The following MS4A7 variants were observed in gnomAD, a reference collection of about 807,000 sequenced individuals.
MS4A7 encodes membrane-spanning 4-domains subfamily A member 7.
Under a neutral mutation model 23.5 loss-of-function variants are expected in MS4A7, and 21 were observed. The ratio of observed to expected loss-of-function variants is 0.89; its 90% CI spans 0.63 to 1.29. MS4A7 has a LOEUF of 1.29. Ranked by LOEUF, MS4A7 falls within the 50% of genes most tolerant of loss-of-function variation. MS4A7 has a pLI of 0.00. For synonymous variants in MS4A7, 111 were observed against 107.4 expected, an observed-to-expected ratio of 1.03 and a Z score of -0.21; for missense variants, 263 against 274.2, an observed-to-expected ratio of 0.96 and a Z score of 0.29.
chr11:60,383,309 G>A, intron 2 of MS4A7, 21 bp downstream of exon 2: 1 of 1,613,096 alleles, frequency 6.2e-7, no homozygotes, highest in South Asian at 1.1e-5. Flanking sequence ...CTCATTATAA[G>A]GGGAATACTG....
intron 5 of MS4A7, 61 bp downstream of exon 5, chr11:60,389,657 C>T (rs751405454): frequency 1.4e-6 from 2 of 1,478,610 alleles, no homozygotes. Context: ...CCTTTGCATA[C>T]TCTCTGCTTT....
intron 5 of MS4A7, among the ~76,000 whole-genome samples, chr11:60,391,517 CA>C (rs2085549807): frequency 6.6e-6 from 1 of 152,062 alleles, no homozygotes; most frequent in South Asian, 2.1e-4. Context: ...GTAGCGGCAG[CA>C]AATGGGGAAA....
intron 4 of MS4A7, chr11:60,389,171 A>G (rs1452497676): frequency 3.7e-6 from 2 of 547,216 alleles, no homozygotes; most frequent in Non-Finnish European, 3.3e-6. Flanking sequence ...GGAATTATCC[A>G]TGCATTTTCT....
intron 1 of MS4A7, among the ~76,000 whole-genome samples, chr11:60,381,501 C>T (rs2085427673): frequency 6.6e-6 from 1 of 152,066 alleles, no homozygotes; most frequent in South Asian, 2.1e-4. Context: ...CAGAGAGTTA[C>T]AACAAAAGAC....
At position 60,383,250 on chromosome 11, in the gene MS4A7, C is replaced by G; in HGVS notation, c.109C>G (p.Leu37Val). 1 of 1,614,144 alleles carries G rather than the reference C, an allele frequency of 6.2e-7. No homozygotes were observed. The highest frequency in any genetic ancestry group is 8.5e-7 in the Non-Finnish European group (1 of 1,180,002). ...ACACATGTACCAAAACGAAGATTAC[C>G]TGCAGAACGGGCTGCCAACAGAAAC... ...PGHMYQNEDY[L>V]QNGLPTETTV... is the part of the protein sequence containing the mutation. Residue 37 changes from leucine to valine, a missense_variant, in exon 2 of 7, where the codon CTG becomes GTG. Leu to Val is a conservative substitution (Grantham distance 32, BLOSUM62 1). Coordinates refer to ENST00000300184, the MANE Select transcript of MS4A7 (RefSeq NM_021201.5).
In MS4A7 at chr11:60,389,526, T is replaced by C. The variant is rs771464648; in HGVS notation, c.476T>C (p.Leu159Ser). The C allele has an allele frequency of 6.2e-7, 1 of 1,614,158 alleles. No homozygotes were observed. The highest frequency in any genetic ancestry group is 8.5e-7 in the Non-Finnish European group (1 of 1,179,970). The change falls in exon 5 of 7, where the codon TTG becomes TCG. Residue 159 changes from leucine (L) to serine (S), a missense_variant. Physicochemically the swap from Leu to Ser is moderately radical, Grantham distance 145. Coordinates refer to ENST00000300184, the MANE Select transcript of MS4A7 (RefSeq NM_021201.5). ...TCAGAAATGGATTATCTATCCTCAT[T>C]GCCTTATTCGGAGTACTATTATCCA... is the stretch of plus-strand genomic sequence containing the variant. ...CGSEMDYLSS[L>S]PYSEYYYPIY...
chr11:60,393,715 G>A lies in MS4A7; in HGVS notation c.649-72G>A. The A allele has an allele frequency of 3.3e-6, 4 of 1,197,748 alleles. No homozygotes were observed. The East Asian group carries it at 9.8e-5, about 29-fold the overall frequency. The allele number at this position is 1,197,748 out of a possible 1,614,324, so 74.2% of individuals were successfully genotyped here. A position where few individuals can be genotyped will look rare whatever the true frequency, so the allele number is the denominator to read the frequency against. On this transcript the variant is annotated intron_variant, in intron 6 of 6. Coordinates refer to ENST00000300184, the MANE Select transcript of MS4A7 (RefSeq NM_021201.5). ...AGTACTACACAAAACTTGGGGAAAA[G>A]GTATTATGAGTTATCTTTTTTAATC... is the stretch of plus-strand genomic sequence containing the variant.
In MS4A7 at chr11:60,389,554, A is replaced by C. The variant is rs775866217; in HGVS notation, c.504A>C (p.Ile168=). 7 of 1,614,078 alleles carry C rather than the reference A, an allele frequency of 4.3e-6. No individual in the cohort carries two copies. The East Asian group carries it at 1.6e-4, about 36-fold the overall frequency. Reference sequence around the variant, plus strand: ...CTTATTCGGAGTACTATTATCCAATATATGAAATCAAAGATTGTCTCCTGA... The same window carrying C: ...CTTATTCGGAGTACTATTATCCAATCTATGAAATCAAAGATTGTCTCCTGA... ...SLPYSEYYYP[I]YEIKDCLLTS... is the part of the protein sequence containing the mutation. Residue 168 remains isoleucine, a synonymous_variant, in exon 5 of 7, where the codon ATA becomes ATC. Transcript: ENST00000300184.
rs565709163 is a variant in MS4A7, at chr11:60,390,808, A to G, written c.546+1212A>G. ...CAGACTAAGCAGACTCCAAAGGCCT[A>G]CTCTTTGTTAATTAACACAGCAATT... On this transcript the variant is annotated intron_variant, in intron 5 of 6. Transcript: ENST00000300184. Among the ~76,000 whole-genome samples the G allele has an allele frequency of 6.6e-5, 10 of 152,278 alleles. No individual in the cohort carries two copies. In the East Asian group the frequency reaches 1.9e-3, roughly 29 times the overall value.
At chr11:60,386,843 T>C in intron 4 of MS4A7, 70 bp downstream of exon 4, 2 of 1,266,702 alleles carry the variant, frequency 1.6e-6, no homozygotes, top group Admixed American at 4.0e-5. Flanking sequence ...TCTTCTAGTT[T>C]AAAAATCCCT....
chr11:60,385,318 C>T, intron 3 of MS4A7, 96 bp downstream of exon 3: 6 of 1,423,460 alleles, frequency 4.2e-6, no homozygotes, highest in Non-Finnish European at 5.8e-6. Context: ...GGCCAGGAGG[C>T]AAAAGGCGGC....
chr11:60,381,427 T>G (rs1316003201), intron 1 of MS4A7, among the ~76,000 whole-genome samples: 2 of 152,206 alleles, frequency 1.3e-5, no homozygotes, highest in Non-Finnish European at 2.9e-5. Context: ...GGCACAGATC[T>G]AGGAGTAGAA....
Position 60,394,448 on chromosome 11 carries a change from A to T in MS4A7, c.*587A>T. 1 of 152,726 alleles carries T rather than the reference A, an allele frequency of 6.5e-6. No homozygotes were observed. The highest frequency in any genetic ancestry group is 1.5e-5 in the Non-Finnish European group (1 of 68,428). 9.5% of individuals were successfully genotyped at this position (152,726 alleles called of 1,614,324 possible). A position where few individuals can be genotyped will look rare whatever the true frequency, so the allele number is the denominator to read the frequency against. The stretch of plus-strand genomic sequence containing the variant: ...CTGCCTCCCATGAATCTTACCATGT[A>T]AATCCAAATCTCTGCAATCCTGTGG... On this transcript the variant is annotated 3_prime_UTR_variant, in exon 7 of 7. Coordinates refer to ENST00000300184, the MANE Select transcript of MS4A7 (RefSeq NM_021201.5).
rs148346043 is a variant in MS4A7, at chr11:60,385,215, C to T, written c.275C>T (p.Ala92Val). 4.3e-6 allele frequency: 7 copies of T among 1,614,076 alleles called. No individual in the cohort carries two copies. The East Asian group carries it at 1.3e-4, about 31-fold the overall frequency. The change falls in exon 3 of 7, where the codon GCT (alanine) becomes GTT (valine). Residue 92 changes from alanine to valine, a missense_variant. Coordinates refer to ENST00000300184, the MANE Select transcript of MS4A7 (RefSeq NM_021201.5). ...TLMSGYPFLG[A>V]LCFGITGSLS... ...ATGTCTGGGTACCCATTTTTAGGAGCTCTGTGTGTGAGTAGAATGGGGACT... is the reference window on the plus strand; with the variant it reads ...ATGTCTGGGTACCCATTTTTAGGAGTTCTGTGTGTGAGTAGAATGGGGACT...
chr11:60,393,999 A>G lies in MS4A7; in HGVS notation c.*138A>G. ...AAAAGCTTTTGTTTTGTATTTGTTT[A>G]CTATGAGTCGTTATTTAATTTCTCT... On this transcript the variant is annotated 3_prime_UTR_variant, in exon 7 of 7. Transcript: ENST00000300184. 4.1e-6 allele frequency: 2 copies of G among 492,634 alleles called. No individual in the cohort carries two copies. Among genetic ancestry groups the G allele is most frequent in the East Asian group, 3.4e-5 (1 of 29,316 alleles). 30.5% of individuals were successfully genotyped at this position (492,634 alleles called of 1,614,324 possible).
chr11:60,392,028 A>G (rs1407387201), intron 5 of MS4A7, among the ~76,000 whole-genome samples: 1 of 152,186 alleles, frequency 6.6e-6, no homozygotes, highest in Non-Finnish European at 1.5e-5. Context: ...ATACTTGGAA[A>G]TGAAAATTGT....
chr11:60,393,327 G>A (rs139292261), intron 6 of MS4A7, among the ~76,000 whole-genome samples: 22 of 152,148 alleles, frequency 1.4e-4, no homozygotes, highest in Non-Finnish European at 2.8e-4. Context: ...ACAGACTATT[G>A]GGCTGAGAAT....
At chr11:60,381,978 C>G (rs1383193056) in intron 1 of MS4A7, among the ~76,000 whole-genome samples, 2 of 152,200 alleles carry the variant, frequency 1.3e-5, no homozygotes, top group Admixed American at 1.3e-4. Flanking sequence ...CCAAGAGAGG[C>G]CAGAACCATT....
rs772374141 is a variant in MS4A7 at position 60,385,191 on chromosome 11, T to C, written c.251T>C (p.Met84Thr). Residue 84 changes from methionine (M) to threonine (T), a missense_variant, in exon 3 of 7, where the codon ATG becomes ACG. Physicochemically the swap from Met to Thr is moderately conservative, Grantham distance 81. Transcript: ENST00000300184. Reference protein sequence around the residue: ...HFNPAISTTLMSGYPFLGALC... With the variant: ...HFNPAISTTLTSGYPFLGALC... ...AATCCAGCAATTTCCACCACTTTGA[T>C]GTCTGGGTACCCATTTTTAGGAGCT... The C allele has an allele frequency of 8.7e-6, 14 of 1,614,046 alleles. No homozygotes were observed. The highest frequency in any genetic ancestry group is 1.2e-5 in the Non-Finnish European group (14 of 1,180,026).
Sources: gnomAD v4.1 joint callset for allele counts (sites outside exome capture counted in the v4.1 genomes callset) on GRCh38, gnomAD v4.1.1 for gene constraint, MANE v1.5 for transcripts, NCBI Gene and HGNC (gene_info 2026-07-23, HGNC 2026-07-21) for gene names.